Variants in TLN2 observed in about 807,000 individuals in gnomAD.
TLN2 encodes talin-2.
Under a neutral mutation model 294.7 loss-of-function variants are expected in TLN2, and 118 were observed. The ratio of observed to expected loss-of-function variants is 0.40; its 90% CI spans 0.34 to 0.47. TLN2 has a LOEUF of 0.47. Among genes scored for constraint, TLN2 ranks in the 20% least tolerant of loss-of-function variants. The pLI is 0.84. For missense variants in TLN2, 3,083 were observed against 3,282.2 expected, an observed-to-expected ratio of 0.94 and a Z score of 1.48; for synonymous variants, 1,431 against 1,304.5, an observed-to-expected ratio of 1.10 and a Z score of -2.09.
chr15:62,778,909 G>A (rs903130784), intron 43 of TLN2, among the ~76,000 whole-genome samples: 4 of 152,210 alleles, frequency 2.6e-5, no homozygotes, highest in Non-Finnish European at 5.9e-5. Flanking sequence ...CCTTTGCTCA[G>A]CATGTTGCTG....
chr15:62,438,989 A>G (rs2035421213), intron 1 of TLN2, among the ~76,000 whole-genome samples: 1 of 152,236 alleles, frequency 6.6e-6, no homozygotes, highest in Admixed American at 6.5e-5. Flanking sequence ...GCTATCTGTA[A>G]TAGGGCTTTT....
Position 62,735,541 on chromosome 15 carries a change from A to G in TLN2, c.3359-1337A>G, listed in dbSNP as rs1325385265. Among the ~76,000 whole-genome samples the G allele has an allele frequency of 6.6e-5, 10 of 152,250 alleles. 1 individual carries two copies. Among genetic ancestry groups the G allele is most frequent in the Admixed American group, 6.5e-4 (10 of 15,288 alleles). ...GTTAAAACCTCATTGAGATGCAGCT[A>G]CACATGCATCAGAATGATTAAATTA... is the stretch of plus-strand genomic sequence containing the variant. On this transcript the variant is annotated intron_variant, in intron 28 of 58. Coordinates refer to ENST00000636159, the MANE Select transcript of TLN2 (RefSeq NM_015059.3).
intron 1 of TLN2, among the ~76,000 whole-genome samples, chr15:62,499,276 C>G (rs1207553498): frequency 2.6e-5 from 4 of 152,002 alleles, no homozygotes; most frequent in Non-Finnish European, 5.9e-5. Flanking sequence ...TGGCAAAACC[C>G]CGTGTCTACC....
chr15:62,770,893 C>G, intron 41 of TLN2, 71 bp from the exon 42 acceptor site: 1 of 1,533,416 alleles, frequency 6.5e-7, no homozygotes, highest in Non-Finnish European at 8.7e-7. Context: ...CCGCGCCTGA[C>G]TGTGGAGCCC....
chr15:62,771,203 T>C (rs2063331341), intron 42 of TLN2, 69 bp downstream of exon 42: 1 of 1,453,560 alleles, frequency 6.9e-7, no homozygotes, highest in Non-Finnish European at 9.2e-7. Context: ...TGCTGTAATG[T>C]GTCCTTCCAG....
chr15:62,594,445 T>G (rs2046321278), intron 2 of TLN2, among the ~76,000 whole-genome samples: 2 of 152,108 alleles, frequency 1.3e-5, no homozygotes, highest in Admixed American at 6.5e-5. Flanking sequence ...TAGGCTCAAG[T>G]GATCCTCCCA....
intron 3 of TLN2, among the ~76,000 whole-genome samples, chr15:62,630,928 C>A (rs1250822458): frequency 6.6e-6 from 1 of 152,096 alleles, no homozygotes; most frequent in East Asian, 1.9e-4. Context: ...GAAAAGACAT[C>A]TTCCCCCCAG....
intron 3 of TLN2, among the ~76,000 whole-genome samples, 135 bp downstream of exon 3, chr15:62,618,610 C>T (rs541682016): frequency 2.0e-5 from 3 of 152,306 alleles, no homozygotes; most frequent in Admixed American, 6.5e-5. Context: ...TCTGTCCATC[C>T]CCTGGAGGAA....
At chr15:62,673,419 C>G (rs1381577569) in intron 9 of TLN2, among the ~76,000 whole-genome samples, 1 of 140,286 alleles carries the variant, frequency 7.1e-6, no homozygotes, top group Non-Finnish European at 1.5e-5. Context: ...TGTTTTTCGC[C>G]TCTTCCATGG....
At chr15:62,424,371 G>A (rs1036439078) in intron 1 of TLN2, among the ~76,000 whole-genome samples, 16 of 152,188 alleles carry the variant, frequency 1.1e-4, no homozygotes, top group Non-Finnish European at 2.1e-4. Flanking sequence ...ACGCGGAGTG[G>A]TGAAGGCCTC....
chr15:62,840,879 G>T lies in TLN2; in HGVS notation c.*269G>T. On this transcript the variant is annotated 3_prime_UTR_variant, in exon 59 of 59. Coordinates refer to ENST00000636159, the MANE Select transcript of TLN2 (RefSeq NM_015059.3). ...AGGAGAGAGGGGTGCACGTTTCATG[G>T]ACTGTTACCAACAAAGAAAAGTCAG... 2.5e-6 allele frequency: 1 copy of T among 392,262 alleles called. No individual in the cohort carries two copies. Among genetic ancestry groups the T allele is most frequent in the Non-Finnish European group, 4.5e-6 (1 of 220,332 alleles). 24.3% of individuals were successfully genotyped at this position (392,262 alleles called of 1,614,324 possible). A position where few individuals can be genotyped will look rare whatever the true frequency, so the allele number is the denominator to read the frequency against.
chr15:62,532,670 A>G (rs1181205741), intron 1 of TLN2, among the ~76,000 whole-genome samples: 1 of 152,036 alleles, frequency 6.6e-6, no homozygotes, highest in African/African-American at 2.4e-5. Flanking sequence ...TAGCAACAAA[A>G]CCATGCCTCT....
chr15:62,550,748 A>T (rs910948777), intron 1 of TLN2, among the ~76,000 whole-genome samples: 1 of 152,074 alleles, frequency 6.6e-6, no homozygotes, highest in African/African-American at 2.4e-5. Flanking sequence ...ACTGTTCTTG[A>T]TTTATTCTGC....
intron 1 of TLN2, among the ~76,000 whole-genome samples, chr15:62,497,885 G>A (rs774386047): frequency 3.9e-5 from 6 of 151,960 alleles, no homozygotes; most frequent in East Asian, 1.9e-4. Context: ...CTGACCAAGC[G>A]TGGACAGTTT....
chr15:62,750,859 T>C (rs2061898153), intron 34 of TLN2, among the ~76,000 whole-genome samples: 1 of 152,198 alleles, frequency 6.6e-6, no homozygotes, highest in African/African-American at 2.4e-5. Context: ...TCAAATCGTG[T>C]ATTTTCTACA....
In TLN2 at chr15:62,707,374, T is replaced by G; in HGVS notation, c.2172+121T>G. The G allele has an allele frequency of 2.5e-6, 3 of 1,199,328 alleles. No individual in the cohort carries two copies. The East Asian group carries it at 7.8e-5, about 31-fold the overall frequency. The allele number at this position is 1,199,328 out of a possible 1,614,324, so 74.3% of individuals were successfully genotyped here. The stretch of plus-strand genomic sequence containing the variant: ...AATAGTCCGAGATTTAGAGCTTCCT[T>G]AAAGTGTCTTAAGTGATGATAGGAT... On this transcript the variant is annotated intron_variant, in intron 20 of 58. Transcript: ENST00000636159.
intron 1 of TLN2, among the ~76,000 whole-genome samples, chr15:62,511,054 T>C (rs1286583559): frequency 6.6e-6 from 1 of 152,240 alleles, no homozygotes; most frequent in Admixed American, 6.5e-5. Flanking sequence ...TGCTAGGCTC[T>C]ACAGCTAAGT....
intron 17 of TLN2, among the ~76,000 whole-genome samples, 158 bp from the exon 18 acceptor site, chr15:62,701,834 G>A (rs901473245): frequency 2.0e-5 from 3 of 152,134 alleles, no homozygotes; most frequent in African/African-American, 4.8e-5. Flanking sequence ...AAGTCACCTC[G>A]GAGACAGGGA....
chr15:62,737,157 C>T, intron 29 of TLN2, 71 bp downstream of exon 29: 1 of 1,536,496 alleles, frequency 6.5e-7, no homozygotes, highest in Non-Finnish European at 8.9e-7. Context: ...GGGCTGTCTC[C>T]TGGGCACTTT....
Sources: allele counts gnomAD v4.1 joint callset (sites outside exome capture counted in the v4.1 genomes callset), GRCh38; gene constraint gnomAD v4.1.1; transcripts MANE v1.5; gene names NCBI Gene and HGNC (gene_info 2026-07-23, HGNC 2026-07-21).